The following FBLN1 variants were observed in gnomAD, a reference collection of about 807,000 sequenced individuals.
The protein encoded by FBLN1 is fibulin 1.
A neutral mutation model predicts 89.7 loss-of-function variants in FBLN1; 34 were observed. The ratio of observed to expected loss-of-function variants is 0.38; its 90% CI spans 0.29 to 0.50. The LOEUF is 0.50. Ranked by LOEUF, FBLN1 falls within the 20% of genes least tolerant of loss-of-function variation. FBLN1 has a pLI of 0.92. For missense variants in FBLN1, 777 were observed against 988.1 expected, an observed-to-expected ratio of 0.79 and a Z score of 2.86; for synonymous variants, 393 against 391.3, an observed-to-expected ratio of 1.00 and a Z score of -0.05.
chr22:45,517,437 G>C, intron 1 of FBLN1: 1 of 412,496 alleles, frequency 2.4e-6, no homozygotes, highest in Non-Finnish European at 4.9e-6. Flanking sequence ...CTGAGGGGCT[G>C]GGAGGGTGCC....
intron 2 of FBLN1, chr22:45,523,003 G>T: frequency 1.7e-6 from 1 of 583,140 alleles, no homozygotes; most frequent in South Asian, 2.4e-5. Context: ...TAATAAGTCC[G>T]TCTGATGGTT....
chr22:45,596,418 T>C (rs2089186489), intron 16 of FBLN1, among the ~76,000 whole-genome samples: 1 of 152,146 alleles, frequency 6.6e-6, no homozygotes, highest in Non-Finnish European at 1.5e-5. Flanking sequence ...TACATTCTTA[T>C]TTAGCCAGTG....
chr22:45,576,843 C>T lies in FBLN1; in HGVS notation c.1841-134C>T, dbSNP rs2089001331. On this transcript the variant is annotated intron_variant, in intron 15 of 16. Transcript: ENST00000327858. This position sits in a 1 kb window ranked among gnomAD's most constrained non-coding sequence, Gnocchi z 5.2. ...CCCTCCCCACACAGGGGATCTCTGG[C>T]TTCATTGATGTTGTCTCATGAAAGG... 1 of 1,037,586 alleles carries T rather than the reference C, an allele frequency of 9.6e-7. No individual in the cohort carries two copies. Among genetic ancestry groups the T allele is most frequent in the South Asian group, 1.3e-5 (1 of 74,198 alleles). 64.3% of individuals were successfully genotyped at this position (1,037,586 alleles called of 1,614,324 possible).
chr22:45,594,159 C>T (rs5764804), intron 16 of FBLN1, among the ~76,000 whole-genome samples: 41,728 of 152,032 alleles, frequency 0.27, 7,036 homozygotes, highest in Admixed American at 0.36. Flanking sequence ...CTCATGTTTG[C>T]GATGCTGCAT....
chr22:45,563,093 G>A lies in FBLN1; in HGVS notation c.1698-11418G>A, dbSNP rs773015307. 2 of 1,613,458 alleles carry A rather than the reference G, an allele frequency of 1.2e-6. No homozygotes were observed. Among genetic ancestry groups the A allele is most frequent in the Non-Finnish European group, 1.7e-6 (2 of 1,180,002 alleles). Reference sequence around the variant, plus strand: ...GCTGGCCATCACCGGCGGCAATGAGGAGGGCTTTTTCACCACCCGGAAGGT... The same window carrying A: ...GCTGGCCATCACCGGCGGCAATGAGAAGGGCTTTTTCACCACCCGGAAGGT... On this transcript the variant is annotated intron_variant, in intron 14 of 16. Coordinates refer to ENST00000327858, the MANE Select transcript of FBLN1 (RefSeq NM_006486.3). This position sits in a 1 kb window ranked among gnomAD's most constrained non-coding sequence, Gnocchi z 5.7.
Position 45,575,015 on chromosome 22 carries a change from C to T in FBLN1, c.1840+362C>T, listed in dbSNP as rs2088983962. 6.6e-6 allele frequency among the ~76,000 whole-genome samples: 1 copy of T among 152,082 alleles called. No individual in the cohort carries two copies. Among genetic ancestry groups the T allele is most frequent in the Non-Finnish European group, 1.5e-5 (1 of 68,004 alleles). ...GCCAGGATGGTCTCAATCTCCTGAC[C>T]TCATGATCCACCCGCCTCAGCCTCC... On this transcript the variant is annotated intron_variant, in intron 15 of 16. Coordinates refer to ENST00000327858, the MANE Select transcript of FBLN1 (RefSeq NM_006486.3). The surrounding 1 kb of genome is among the most constrained non-coding windows in gnomAD (Gnocchi z 6.3).
chr22:45,528,134 T>G, intron 4 of FBLN1, 125 bp downstream of exon 4: 1 of 1,123,210 alleles, frequency 8.9e-7, no homozygotes, highest in South Asian at 1.3e-5. Flanking sequence ...GGCTGGCAAG[T>G]CCAAAATCTG....
intron 16 of FBLN1, among the ~76,000 whole-genome samples, chr22:45,595,337 C>G (rs2089174969): frequency 6.6e-6 from 1 of 152,206 alleles, no homozygotes; most frequent in Admixed American, 6.5e-5. Flanking sequence ...TGAGCGCCTG[C>G]TGTGTGCAGC....
chr22:45,511,924 G>T (rs1005071584), intron 1 of FBLN1, among the ~76,000 whole-genome samples: 1 of 152,170 alleles, frequency 6.6e-6, no homozygotes, highest in Non-Finnish European at 1.5e-5. Context: ...CTAATATTAT[G>T]CTTTGGATCT....
chr22:45,505,715 A>T (rs2088009712), intron 1 of FBLN1, among the ~76,000 whole-genome samples: 1 of 152,206 alleles, frequency 6.6e-6, no homozygotes, highest in Non-Finnish European at 1.5e-5. Flanking sequence ...TGTCTTGAGG[A>T]TTAAGAGAGA....
intron 11 of FBLN1, among the ~76,000 whole-genome samples, chr22:45,544,925 C>T (rs150592090): frequency 1.3e-5 from 2 of 152,330 alleles, no homozygotes; most frequent in East Asian, 3.9e-4. Flanking sequence ...GCTGAGCAGA[C>T]ACTGAGAGCT....
intron 14 of FBLN1, among the ~76,000 whole-genome samples, chr22:45,553,615 G>A (rs2088734750): frequency 6.6e-6 from 1 of 152,240 alleles, no homozygotes; most frequent in Admixed American, 6.5e-5. Context: ...GTTTATTTTT[G>A]TGCATTAGTC....
Position 45,548,750 on chromosome 22 carries a change from C to T in FBLN1, c.1573+6C>T. ...CAATGGCCGCAACTGCCAAGGTGAG[C>T]AGGAGGGATGCCCTGGGGTCCCTCA... On this transcript the variant is annotated splice_donor_region_variant and intron_variant, in intron 13 of 16. Transcript: ENST00000327858. 3 of 1,612,696 alleles carry T rather than the reference C, an allele frequency of 1.9e-6. No homozygotes were observed. The highest frequency in any genetic ancestry group is 2.5e-6 in the Non-Finnish European group (3 of 1,179,984).
chr22:45,526,483 G>C (rs867790018), intron 3 of FBLN1, among the ~76,000 whole-genome samples: 14 of 152,352 alleles, frequency 9.2e-5, no homozygotes, highest in Non-Finnish European at 1.8e-4. Flanking sequence ...AGGAGCTCGG[G>C]TTTGGAAGCT....
At chr22:45,517,603 T>A in intron 1 of FBLN1, 1 of 471,244 alleles carries the variant, frequency 2.1e-6, no homozygotes, top group East Asian at 6.9e-5. Context: ...ATGGCCAGGC[T>A]GCGGTTACTC....
intron 16 of FBLN1, among the ~76,000 whole-genome samples, chr22:45,584,770 G>C (rs1364413459): frequency 2.6e-5 from 4 of 152,234 alleles, no homozygotes; most frequent in African/African-American, 7.2e-5. Flanking sequence ...TGATGGGACA[G>C]GGCCAGGACC....
intron 14 of FBLN1, among the ~76,000 whole-genome samples, chr22:45,553,744 G>A (rs376523834): frequency 1.4e-4 from 22 of 152,300 alleles, no homozygotes; most frequent in African/African-American, 4.8e-4. Flanking sequence ...GTGTGGGGTC[G>A]GAGGGGGAGC....
chr22:45,525,986 G>A (rs1342162834), intron 3 of FBLN1, among the ~76,000 whole-genome samples: 1 of 152,198 alleles, frequency 6.6e-6, no homozygotes, highest in Non-Finnish European at 1.5e-5. Context: ...GTCAAAGCAG[G>A]GCTCCTCCTG....
In FBLN1 at chr22:45,597,918, C is replaced by G. The variant is rs1056055879; in HGVS notation, c.1973-2389C>G. Among the ~76,000 whole-genome samples, 3 of 152,162 alleles carry G rather than the reference C, an allele frequency of 2.0e-5. No homozygotes were observed. The highest frequency in any genetic ancestry group is 7.2e-5 in the African/African-American group (3 of 41,438). Reference sequence around the variant, plus strand: ...GGGGGGAACGTTGTGCCCAGATTCTCTTTCTGAGCGTGAACTTGATGTTCC... The same window carrying G: ...GGGGGGAACGTTGTGCCCAGATTCTGTTTCTGAGCGTGAACTTGATGTTCC... On this transcript the variant is annotated intron_variant, in intron 16 of 16. Coordinates refer to ENST00000327858, the MANE Select transcript of FBLN1 (RefSeq NM_006486.3). This position sits in a 1 kb window ranked among gnomAD's most constrained non-coding sequence, Gnocchi z 4.2.
Sources: allele counts gnomAD v4.1 joint callset (sites outside exome capture counted in the v4.1 genomes callset), GRCh38; gene constraint gnomAD v4.1.1; non-coding constraint Gnocchi (gnomAD v3.1); transcripts MANE v1.5; gene names NCBI Gene and HGNC (gene_info 2026-07-23, HGNC 2026-07-21).